Variants in CRYBG1 observed in about 807,000 individuals in gnomAD.
CRYBG1 encodes the protein crystallin beta-gamma domain containing 1, also known as beta/gamma crystallin domain-containing protein 1.
A neutral mutation model predicts 189.2 loss-of-function variants in CRYBG1; 139 were observed. The observed-to-expected ratio is 0.73, with a 90% CI of 0.64 to 0.85. The LOEUF (loss-of-function observed/expected upper bound fraction) is 0.85. Among genes scored for constraint, CRYBG1 ranks in the 40% least tolerant of loss-of-function variants. The pLI is 0.00. For synonymous variants in CRYBG1, 1,023 were observed against 1,017.1 expected (o/e 1.01, Z -0.11); for missense variants, 2,611 against 2,675.8 (o/e 0.98, Z 0.53).
chr6:106,378,571 G>A (rs557471288), intron 1 of CRYBG1, among the ~76,000 whole-genome samples: 2 of 152,310 alleles, frequency 1.3e-5, no homozygotes, highest in Non-Finnish European at 2.9e-5. Flanking sequence ...TTCAGAGGAA[G>A]CACATATGGG....
intron 1 of CRYBG1, among the ~76,000 whole-genome samples, chr6:106,430,585 C>T (rs1021144199): frequency 6.6e-6 from 1 of 152,122 alleles, no homozygotes; most frequent in Non-Finnish European, 1.5e-5. Flanking sequence ...TAACATGGCT[C>T]CTACAGTCAC....
chr6:106,389,160 G>C (rs1285134487), intron 1 of CRYBG1, among the ~76,000 whole-genome samples: 1 of 151,650 alleles, frequency 6.6e-6, no homozygotes, highest in African/African-American at 2.4e-5. Context: ...CTTTTTTTTA[G>C]ATTAAAAATT....
At chr6:106,492,305 T>C (rs1772741826) in intron 2 of CRYBG1, among the ~76,000 whole-genome samples, 1 of 152,204 alleles carries the variant, frequency 6.6e-6, no homozygotes, top group Non-Finnish European at 1.5e-5. Flanking sequence ...AATTGTTTCA[T>C]ATCTTTTCTG....
At chr6:106,397,043 G>A (rs1279075929) in intron 1 of CRYBG1, among the ~76,000 whole-genome samples, 1 of 152,196 alleles carries the variant, frequency 6.6e-6, no homozygotes, top group Non-Finnish European at 1.5e-5. Flanking sequence ...TAAAGTTGCT[G>A]TGACAATTAC....
intron 1 of CRYBG1, among the ~76,000 whole-genome samples, chr6:106,433,570 G>T (rs1771378502): frequency 6.6e-6 from 1 of 151,778 alleles, no homozygotes; most frequent in Non-Finnish European, 1.5e-5. Flanking sequence ...TACTGGAATT[G>T]TTATAGTATA....
At chr6:106,423,956 C>T (rs1175960607) in intron 1 of CRYBG1, among the ~76,000 whole-genome samples, 4 of 152,040 alleles carry the variant, frequency 2.6e-5, no homozygotes, top group Admixed American at 6.6e-5. Flanking sequence ...CTGCGCACCT[C>T]GGCCTCCCAA....
At chr6:106,563,984 A>C in intron 21 of CRYBG1, 58 bp downstream of exon 21, 2 of 1,508,118 alleles carry the variant, frequency 1.3e-6, no homozygotes, top group South Asian at 2.3e-5. Context: ...TAGTTAAGGA[A>C]AAATCTATTC....
intron 1 of CRYBG1, among the ~76,000 whole-genome samples, chr6:106,412,113 A>G (rs1481011370): frequency 6.6e-6 from 1 of 152,246 alleles, no homozygotes; most frequent in Non-Finnish European, 1.5e-5. Context: ...AGTCAAGTTG[A>G]CACCTGGTAT....
intron 1 of CRYBG1, among the ~76,000 whole-genome samples, chr6:106,406,428 G>T (rs879008249): frequency 6.6e-6 from 1 of 152,184 alleles, no homozygotes; most frequent in Non-Finnish European, 1.5e-5. Flanking sequence ...GTGATGAGGA[G>T]AATGGAACCA....
intron 1 of CRYBG1, among the ~76,000 whole-genome samples, chr6:106,438,011 G>A (rs1337289840): frequency 6.6e-6 from 1 of 152,148 alleles, no homozygotes; most frequent in Non-Finnish European, 1.5e-5. Flanking sequence ...ACCTTTTTAT[G>A]TTGGGACTTT....
chr6:106,484,782 T>A (rs1158009571), intron 2 of CRYBG1, among the ~76,000 whole-genome samples: 1 of 152,096 alleles, frequency 6.6e-6, no homozygotes, highest in East Asian at 1.9e-4. Flanking sequence ...GCCCTAGAGT[T>A]TGAGTCCAGC....
At chr6:106,499,710 T>A (rs868770948) in intron 2 of CRYBG1, among the ~76,000 whole-genome samples, 10 of 152,152 alleles carry the variant, frequency 6.6e-5, no homozygotes, top group Admixed American at 1.3e-4. Flanking sequence ...TTAGCAATTT[T>A]AAAATATGTA....
At chr6:106,440,146 C>T (rs1200224048) in intron 1 of CRYBG1, among the ~76,000 whole-genome samples, 1 of 152,142 alleles carries the variant, frequency 6.6e-6, no homozygotes, top group Non-Finnish European at 1.5e-5. Flanking sequence ...CTCTCTTCTT[C>T]TGCCCTCTAC....
At chr6:106,417,656 G>A (rs536277322) in intron 1 of CRYBG1, among the ~76,000 whole-genome samples, 10 of 152,300 alleles carry the variant, frequency 6.6e-5, no homozygotes, top group African/African-American at 9.6e-5. Context: ...TGCTGGACTC[G>A]CAGCAGGTGC....
intron 2 of CRYBG1, among the ~76,000 whole-genome samples, chr6:106,487,205 C>T (rs1020023320): frequency 6.6e-6 from 1 of 152,132 alleles, no homozygotes; most frequent in Admixed American, 6.5e-5. Context: ...CCTCCCCAAC[C>T]TTTTTGCATT....
chr6:106,436,485 G>A (rs995224290), intron 1 of CRYBG1, among the ~76,000 whole-genome samples: 3 of 152,014 alleles, frequency 2.0e-5, no homozygotes, highest in East Asian at 1.9e-4. Context: ...TAGTAGAGAC[G>A]GGGTTTCACC....
chr6:106,429,937 C>G (rs557746984), intron 1 of CRYBG1, among the ~76,000 whole-genome samples: 3 of 152,244 alleles, frequency 2.0e-5, no homozygotes, highest in Admixed American at 2.0e-4. Flanking sequence ...TTGTCCTCTC[C>G]TACTGCCCTG....
intron 2 of CRYBG1, among the ~76,000 whole-genome samples, chr6:106,471,745 C>A (rs1011197104): frequency 2.0e-5 from 3 of 151,850 alleles, no homozygotes; most frequent in Non-Finnish European, 4.4e-5. Context: ...ACCCCTACCC[C>A]CCAGCCCCAC....
chr6:106,554,515 G>C (rs140461611), intron 16 of CRYBG1, among the ~76,000 whole-genome samples: 1 of 152,266 alleles, frequency 6.6e-6, no homozygotes, highest in Non-Finnish European at 1.5e-5. Flanking sequence ...GGGAGGCTGA[G>C]GCAGGAGAAT....
Sources: allele counts gnomAD v4.1 joint callset (sites outside exome capture counted in the v4.1 genomes callset), GRCh38; gene constraint gnomAD v4.1.1; transcripts MANE v1.5; gene names NCBI Gene and HGNC (gene_info 2026-07-23, HGNC 2026-07-21).